The following DHX37 variants were observed in gnomAD, a reference collection of about 807,000 sequenced individuals.
DHX37 encodes DEAH-box helicase 37, also known as probable ATP-dependent RNA helicase DHX37.
Under a neutral mutation model 134.3 loss-of-function variants are expected in DHX37, and 52 were observed. The observed-to-expected ratio is 0.39, with a 90% CI of 0.31 to 0.49. The LOEUF (loss-of-function observed/expected upper bound fraction) is 0.49. Ranked by LOEUF, DHX37 falls within the 20% of genes least tolerant of loss-of-function variation. The probability of loss-of-function intolerance (pLI) is 0.93; values close to 1 mark genes in which losing one functional copy is unlikely to be tolerated. For missense variants in DHX37, 1,344 were observed against 1,580.8 expected, an observed-to-expected ratio of 0.85 and a Z score of 2.54; for synonymous variants, 634 against 670.7, an observed-to-expected ratio of 0.95 and a Z score of 0.85.
chr12:124,953,666 G>A, intron 20 of DHX37: 2 of 799,128 alleles, frequency 2.5e-6, no homozygotes, highest in South Asian at 1.9e-5. Flanking sequence ...GGGGGAGGGT[G>A]CAGGCTGGCA....
Position 124,980,279 on chromosome 12 carries a change from C to T in DHX37, c.738+211G>A, listed in dbSNP as rs550233828. On this transcript the variant is annotated intron_variant, in intron 4 of 26. Transcript: ENST00000308736. This position sits in a 1 kb window ranked among gnomAD's most constrained non-coding sequence, Gnocchi z 5.3. ...CCTCCAGGGCCCCGAGCCTGCCAGG[C>T]GTGCCGCCAGACACCCGCCCTGCAC... Among the ~76,000 whole-genome samples the T allele has an allele frequency of 6.6e-6, 1 of 152,348 alleles. No individual in the cohort carries two copies. Among genetic ancestry groups the T allele is most frequent in the East Asian group, 1.9e-4 (1 of 5,178 alleles).
intron 11 of DHX37, 92 bp downstream of exon 11, chr12:124,967,028 GAGA>G (rs1954403681): frequency 6.5e-7 from 1 of 1,536,020 alleles, no homozygotes; most frequent in Non-Finnish European, 9.0e-7. Flanking sequence ...TGCTTCCAGA[GAGA>G]AGCTCAGAGG....
chr12:124,987,536 C>T (rs77895583), intron 1 of DHX37, among the ~76,000 whole-genome samples: 2,535 of 152,270 alleles, frequency 0.017, 66 homozygotes, highest in East Asian at 0.073. Context: ...CCAGTGTCTA[C>T]GGCTGTCTTT....
chr12:124,987,214 G>C (rs988642067), intron 1 of DHX37, among the ~76,000 whole-genome samples: 1 of 152,226 alleles, frequency 6.6e-6, no homozygotes, highest in Non-Finnish European at 1.5e-5. Context: ...GTGATGGCAT[G>C]CACCTATAAT....
chr12:124,973,571 G>A (rs1343328110), intron 6 of DHX37, among the ~76,000 whole-genome samples: 2 of 151,758 alleles, frequency 1.3e-5, no homozygotes, highest in African/African-American at 4.8e-5. Flanking sequence ...TATTACAACT[G>A]GGTCTTGGGT....
chr12:124,961,306 G>A (rs28505367), intron 15 of DHX37, among the ~76,000 whole-genome samples: 7,424 of 145,394 alleles, frequency 0.051, 243 homozygotes, highest in Middle Eastern at 0.12. Context: ...GTGCACGCAC[G>A]CACACACACT....
At chr12:124,957,244 G>T in intron 16 of DHX37, 109 bp from the exon 17 acceptor site, 1 of 1,043,078 alleles carries the variant, frequency 9.6e-7, no homozygotes, top group Non-Finnish European at 1.3e-6. Context: ...TCCGGGCTCA[G>T]CTCATGCCAG....
chr12:124,960,677 G>T (rs1473732441), intron 15 of DHX37, among the ~76,000 whole-genome samples: 1 of 152,190 alleles, frequency 6.6e-6, no homozygotes, highest in African/African-American at 2.4e-5. Context: ...CCACTGGCTG[G>T]GTGTGGCGGC....
intron 8 of DHX37, among the ~76,000 whole-genome samples, chr12:124,970,253 C>A (rs1160338962): frequency 6.6e-6 from 1 of 152,340 alleles, no homozygotes; most frequent in South Asian, 2.1e-4. Context: ...GGATTACAGG[C>A]GTGAGCCACC....
intron 16 of DHX37, among the ~76,000 whole-genome samples, chr12:124,957,817 T>C (rs1954129972): frequency 6.6e-6 from 1 of 152,084 alleles, no homozygotes; most frequent in Non-Finnish European, 1.5e-5. Context: ...AATAAATTTA[T>C]CACAATAGCC....
chr12:124,967,160 G>T lies in DHX37; in HGVS notation c.1467C>A (p.Leu489=). Reference sequence around the variant, plus strand: ...CTCTGGAGGGTGGGAAAGCCTTCCTGAGCCTGCGGCACAGCGCATGCACCT... The same window carrying T: ...CTCTGGAGGGTGGGAAAGCCTTCCTTAGCCTGCGGCACAGCGCATGCACCT... ...QAEVHALCRR[L]RKAFPPSRAR... The change falls in exon 11 of 27, where the codon CTC becomes CTA. Residue 489 remains leucine, a synonymous_variant. Transcript: ENST00000308736. 1 of 1,613,836 alleles carries T rather than the reference G, an allele frequency of 6.2e-7. No individual in the cohort carries two copies. The highest frequency in any genetic ancestry group is 1.1e-5 in the South Asian group (1 of 91,086).
Position 124,963,912 on chromosome 12 carries a change from T to C in DHX37, c.2045+482A>G, listed in dbSNP as rs920618030. On this transcript the variant is annotated intron_variant, in intron 15 of 26. Transcript: ENST00000308736. ...AAAAAAAAAAAAAAAAAAGAAACAGTGCGAGTAGGCCAGGCATGGTGGCTC... is the reference window on the plus strand; with the variant it reads ...AAAAAAAAAAAAAAAAAAGAAACAGCGCGAGTAGGCCAGGCATGGTGGCTC... Among the ~76,000 whole-genome samples, 3 of 138,390 alleles carry C rather than the reference T, an allele frequency of 2.2e-5. No individual in the cohort carries two copies. The Admixed American group carries it at 2.2e-4, about 10-fold the overall frequency. The allele number at this position is 138,390 out of a possible 152,430, so 90.8% of individuals were successfully genotyped here. A position where few individuals can be genotyped will look rare whatever the true frequency, so the allele number is the denominator to read the frequency against.
intron 25 of DHX37, 193 bp from the exon 26 acceptor site, chr12:124,948,374 T>A: frequency 9.6e-7 from 1 of 1,038,184 alleles, no homozygotes; most frequent in Non-Finnish European, 1.4e-6. Context: ...CCCTTGAGCC[T>A]GGGAGTTGGA....
chr12:124,982,696 T>C, intron 2 of DHX37, 73 bp from the exon 3 acceptor site: 1 of 1,563,972 alleles, frequency 6.4e-7, no homozygotes, highest in Non-Finnish European at 8.7e-7. Context: ...GAGACTGTAA[T>C]AAAATTTCAG....
chr12:124,964,700 AAAGCCAG>A, intron 14 of DHX37, 74 bp from the exon 15 acceptor site: 1 of 1,574,992 alleles, frequency 6.3e-7, no homozygotes, highest in Non-Finnish European at 8.6e-7. Flanking sequence ...GCTCAAGGAC[AAAGCCAG>A]CCAGGCTGGT....
Position 124,947,701 on chromosome 12 carries a change from G to T in DHX37, c.*101C>A. ...GGCTTGACCCACTTCCTGAGAGCAG[G>T]CCACGAAGCCCATGCCAGGTGGTCA... On this transcript the variant is annotated 3_prime_UTR_variant, in exon 27 of 27. Transcript: ENST00000308736. The T allele has an allele frequency of 1.4e-6, 2 of 1,412,468 alleles. No individual in the cohort carries two copies. Among genetic ancestry groups the T allele is most frequent in the South Asian group, 1.5e-5 (1 of 66,464 alleles). The allele number at this position is 1,412,468 out of a possible 1,614,324, so 87.5% of individuals were successfully genotyped here. A position where few individuals can be genotyped will look rare whatever the true frequency, so the allele number is the denominator to read the frequency against.
At chr12:124,981,586 C>T (rs758696026) in intron 3 of DHX37, among the ~76,000 whole-genome samples, 12 of 151,776 alleles carry the variant, frequency 7.9e-5, no homozygotes, top group Non-Finnish European at 1.8e-4. Flanking sequence ...AGGCATGAGC[C>T]ACCATGCCCA....
chr12:124,984,169 A>G (rs1222026055), intron 2 of DHX37, among the ~76,000 whole-genome samples: 3 of 152,186 alleles, frequency 2.0e-5, no homozygotes, highest in Non-Finnish European at 4.4e-5. Flanking sequence ...ACTGTTCCGG[A>G]TGACAGTCAC....
chr12:124,969,409 TTGC>T (rs1954470882), intron 8 of DHX37, among the ~76,000 whole-genome samples: 1 of 152,164 alleles, frequency 6.6e-6, no homozygotes. Flanking sequence ...CTTCAAGCTC[TTGC>T]TGCCTTTGCT....
Sources: gnomAD v4.1 joint callset for allele counts (sites outside exome capture counted in the v4.1 genomes callset) on GRCh38, gnomAD v4.1.1 for gene constraint, Gnocchi (gnomAD v3.1) non-coding constraint, MANE v1.5 for transcripts, NCBI Gene and HGNC (gene_info 2026-07-23, HGNC 2026-07-21) for gene names.